The following KCND2 variants were observed in gnomAD, a reference collection of about 807,000 sequenced individuals.
KCND2 encodes A-type voltage-gated potassium channel KCND2.
Under a neutral mutation model 54.4 loss-of-function variants are expected in KCND2, and 16 were observed. The ratio of observed to expected loss-of-function variants is 0.29; its 90% CI spans 0.20 to 0.45. The LOEUF (loss-of-function observed/expected upper bound fraction) is 0.45, where lower values mean the gene tolerates loss of function less well. Among genes scored for constraint, KCND2 ranks in the 20% least tolerant of loss-of-function variants. KCND2 has a pLI of 1.00. For missense variants in KCND2, 486 were observed against 824.2 expected (o/e 0.59, Z 5.02); for synonymous variants, 317 against 310.7 (o/e 1.02, Z -0.21).
intron 1 of KCND2, among the ~76,000 whole-genome samples, chr7:120,666,530 AT>A (rs199920527): frequency 1.3e-5 from 2 of 151,766 alleles, no homozygotes; most frequent in African/African-American, 4.8e-5. Context: ...TCAGATTAGG[AT>A]TTTTTTTACC....
chr7:120,587,244 G>T (rs915209349), intron 1 of KCND2, among the ~76,000 whole-genome samples: 1 of 152,006 alleles, frequency 6.6e-6, no homozygotes, highest in African/African-American at 2.4e-5. Context: ...TTCTAATTCA[G>T]GCCACAAATA....
intron 1 of KCND2, among the ~76,000 whole-genome samples, chr7:120,382,628 TA>T (rs982422007): frequency 4.6e-5 from 7 of 152,006 alleles, no homozygotes; most frequent in Admixed American, 3.3e-4. Flanking sequence ...AAAATGTTTA[TA>T]AACAACTTAA....
intron 1 of KCND2, among the ~76,000 whole-genome samples, chr7:120,440,915 A>G (rs778068753): frequency 3.3e-5 from 5 of 152,056 alleles, no homozygotes; most frequent in Admixed American, 6.6e-5. Flanking sequence ...GAGACTATCA[A>G]TTATCTCTGT....
At chr7:120,323,166 G>A (rs1422779244) in intron 1 of KCND2, among the ~76,000 whole-genome samples, 1 of 151,900 alleles carries the variant, frequency 6.6e-6, no homozygotes, top group Non-Finnish European at 1.5e-5. Context: ...CCCCCGACAG[G>A]CCCTGGTGTG....
intron 1 of KCND2, among the ~76,000 whole-genome samples, chr7:120,637,895 G>A (rs979626220): frequency 5.9e-5 from 9 of 151,832 alleles, no homozygotes; most frequent in Non-Finnish European, 1.0e-4. Context: ...AAGACCCAGC[G>A]GAATCCTTAC....
At chr7:120,561,927 T>G (rs1792240223) in intron 1 of KCND2, among the ~76,000 whole-genome samples, 1 of 152,140 alleles carries the variant, frequency 6.6e-6, no homozygotes. Flanking sequence ...CTGATTTTGA[T>G]AGACTACTTA....
chr7:120,314,714 C>A (rs1799788058), intron 1 of KCND2, among the ~76,000 whole-genome samples: 1 of 152,008 alleles, frequency 6.6e-6, no homozygotes, highest in African/African-American at 2.4e-5. Context: ...TATAATATTA[C>A]AATGCAAAGC....
intron 1 of KCND2, among the ~76,000 whole-genome samples, chr7:120,376,694 C>T (rs1800839382): frequency 6.6e-6 from 1 of 151,622 alleles, no homozygotes; most frequent in Non-Finnish European, 1.5e-5. Context: ...CCATTTGATT[C>T]AATTCAATAG....
chr7:120,390,379 A>G (rs899803590), intron 1 of KCND2, among the ~76,000 whole-genome samples: 4 of 151,950 alleles, frequency 2.6e-5, no homozygotes, highest in African/African-American at 7.2e-5. Context: ...TCATTTACGG[A>G]GGATTTACCA....
At chr7:120,610,487 A>G (rs1441753451) in intron 1 of KCND2, among the ~76,000 whole-genome samples, 1 of 152,120 alleles carries the variant, frequency 6.6e-6, no homozygotes, top group East Asian at 1.9e-4. Flanking sequence ...GTCTGACTCC[A>G]GTATGCACAT....
At chr7:120,590,715 C>G (rs1387158248) in intron 1 of KCND2, among the ~76,000 whole-genome samples, 1 of 152,152 alleles carries the variant, frequency 6.6e-6, no homozygotes, top group Non-Finnish European at 1.5e-5. Context: ...TTTATCCTAG[C>G]ATCAATTCAG....
At chr7:120,348,500 G>A (rs565554122) in intron 1 of KCND2, among the ~76,000 whole-genome samples, 35 of 152,250 alleles carry the variant, frequency 2.3e-4, no homozygotes, top group Non-Finnish European at 4.6e-4. Flanking sequence ...CTTGACAAAG[G>A]CTACATCATC....
intron 1 of KCND2, among the ~76,000 whole-genome samples, chr7:120,624,568 C>T (rs1333712269): frequency 6.6e-6 from 1 of 151,832 alleles, no homozygotes; most frequent in Non-Finnish European, 1.5e-5. Context: ...TCCTTTGAGC[C>T]CAGGAGTTCA....
At chr7:120,358,282 C>T (rs546129784) in intron 1 of KCND2, among the ~76,000 whole-genome samples, 4 of 152,178 alleles carry the variant, frequency 2.6e-5, no homozygotes, top group South Asian at 2.1e-4. Flanking sequence ...TTAGGATGCT[C>T]CTTGTGGTTA....
chr7:120,334,311 A>C (rs888709313), intron 1 of KCND2, among the ~76,000 whole-genome samples: 1 of 152,220 alleles, frequency 6.6e-6, no homozygotes, highest in Non-Finnish European at 1.5e-5. Flanking sequence ...GAAAGGCTAG[A>C]ACTAACACAA....
intron 1 of KCND2, among the ~76,000 whole-genome samples, chr7:120,464,634 G>T (rs1014990454): frequency 6.6e-6 from 1 of 152,112 alleles, no homozygotes; most frequent in Non-Finnish European, 1.5e-5. Context: ...AAAAATTTTG[G>T]CTAAGTTCAG....
In KCND2 at chr7:120,391,881, A is replaced by T. The variant is rs552303844; in HGVS notation, c.1115+116134A>T. On this transcript the variant is annotated intron_variant, in intron 1 of 5. Transcript: ENST00000331113. ...TTCTGTCGGTTGCCTGTACACTCTGATGGTAGTTTCTTTTGCTGAGAAGAA... is the reference window on the plus strand; with the variant it reads ...TTCTGTCGGTTGCCTGTACACTCTGTTGGTAGTTTCTTTTGCTGAGAAGAA... Among the ~76,000 whole-genome samples the T allele has an allele frequency of 2.6e-4, 39 of 152,094 alleles. 1 individual carries two copies. In the South Asian group the frequency reaches 8.1e-3, roughly 32 times the overall value.
At chr7:120,740,712 T>C (rs1380146945) in intron 2 of KCND2, 2 of 323,138 alleles carry the variant, frequency 6.2e-6, no homozygotes, top group East Asian at 9.4e-5. Context: ...ACCCTCTACA[T>C]TGAAGGATAT....
chr7:120,355,974 A>G (rs913780250), intron 1 of KCND2, among the ~76,000 whole-genome samples: 4 of 152,178 alleles, frequency 2.6e-5, no homozygotes, highest in African/African-American at 9.7e-5. Flanking sequence ...AGAACATCGA[A>G]TCCATCTTTG....
Sources: allele counts gnomAD v4.1 joint callset (sites outside exome capture counted in the v4.1 genomes callset), GRCh38; gene constraint gnomAD v4.1.1; transcripts MANE v1.5; gene names NCBI Gene and HGNC (gene_info 2026-07-23, HGNC 2026-07-21).